The following PHACTR2 variants were observed in gnomAD, a reference collection of about 807,000 sequenced individuals.
PHACTR2 encodes phosphatase and actin regulator 2.
A neutral mutation model predicts 76.0 loss-of-function variants in PHACTR2; 30 were observed. The observed-to-expected ratio is 0.39, with a 90% CI of 0.30 to 0.54. The LOEUF (loss-of-function observed/expected upper bound fraction) is 0.54, where lower values mean the gene tolerates loss of function less well. Among genes scored for constraint, PHACTR2 ranks in the 20% least tolerant of loss-of-function variants. The pLI, the probability that PHACTR2 is intolerant of heterozygous loss-of-function variation, is 0.61. For missense variants in PHACTR2, 696 were observed against 781.1 expected, an observed-to-expected ratio of 0.89 and a Z score of 1.30; for synonymous variants, 292 against 292.5, an observed-to-expected ratio of 1.00 and a Z score of 0.02.
chr6:143,680,257 A>T lies in PHACTR2; in HGVS notation c.46+2048A>T, dbSNP rs1302046137. Among the ~76,000 whole-genome samples the T allele has an allele frequency of 1.3e-5, 2 of 151,834 alleles. No homozygotes were observed. Among genetic ancestry groups the T allele is most frequent in the Non-Finnish European group, 2.9e-5 (2 of 67,938 alleles). ...CTCTACTATTCCAGGTATTTTGTTCACTCCTTGTTAACTGTTTAACTCTGG... is the reference window on the plus strand; with the variant it reads ...CTCTACTATTCCAGGTATTTTGTTCTCTCCTTGTTAACTGTTTAACTCTGG... On this transcript the variant is annotated intron_variant, in intron 1 of 12. Coordinates refer to ENST00000440869, the MANE Select transcript of PHACTR2 (RefSeq NM_001100164.2). The surrounding 1 kb of genome is among the most constrained non-coding windows in gnomAD (Gnocchi z 4.5).
Position 143,561,009 on chromosome 6 carries a change from T to A in PHACTR2, c.217+23802T>A, listed in dbSNP as rs376079926. Reference sequence around the variant, plus strand: ...AACCAGCAAGGACTCTGGGGGGCTTTAAGTAATAAACTGGCCAGACTCCTG... The same window carrying A: ...AACCAGCAAGGACTCTGGGGGGCTTAAAGTAATAAACTGGCCAGACTCCTG... On this transcript the variant is annotated intron_variant, in intron 1 of 11. Transcript: ENST00000367584. This position sits in a 1 kb window ranked among gnomAD's most constrained non-coding sequence, Gnocchi z 4.1. 5.9e-5 allele frequency among the ~76,000 whole-genome samples: 9 copies of A among 151,728 alleles called. No individual in the cohort carries two copies. In the East Asian group the frequency reaches 1.2e-3, roughly 20 times the overall value.
intron 12 of PHACTR2, among the ~76,000 whole-genome samples, chr6:143,813,804 G>A (rs1776236964): frequency 6.6e-6 from 1 of 152,046 alleles, no homozygotes; most frequent in East Asian, 1.9e-4. Flanking sequence ...ATGTTGAGAA[G>A]TTTTCTCATG....
rs1006812589 is a variant in PHACTR2, at chr6:143,761,277, G to A, written c.694+637G>A. 3.3e-5 allele frequency among the ~76,000 whole-genome samples: 5 copies of A among 152,114 alleles called. No individual in the cohort carries two copies. The highest frequency in any genetic ancestry group is 7.4e-5 in the Non-Finnish European group (5 of 68,022). On this transcript the variant is annotated intron_variant, in intron 5 of 12. Coordinates refer to ENST00000440869, the MANE Select transcript of PHACTR2 (RefSeq NM_001100164.2). The surrounding 1 kb of genome is among the most constrained non-coding windows in gnomAD (Gnocchi z 5.2). ...TGTGTGTTCTAAGGCAAAACATCCT[G>A]GTGTCATGTGGTTATAAGTTACTAT...
At chr6:143,674,567 G>C (rs547502342), upstream of PHACTR2, among the ~76,000 whole-genome samples, 150 of 152,120 alleles carry the variant, frequency 9.9e-4, 1 homozygote, top group South Asian at 0.02. This position sits in a 1 kb window ranked among gnomAD's most constrained non-coding sequence, Gnocchi z 4.9. Context: ...TTGCCTCCCA[G>C]GTCACTGCTG....
At chr6:143,555,648 G>T (rs756783004) in intron 1 of PHACTR2, among the ~76,000 whole-genome samples, 5 of 151,674 alleles carry the variant, frequency 3.3e-5, no homozygotes, top group Non-Finnish European at 7.4e-5. Context: ...TAAATGTCTG[G>T]CCATAGGCAA....
rs17072766 is a variant in PHACTR2 at position 143,550,553 on chromosome 6, G to A, written c.217+13346G>A. ...TGATGAAGTATCTAAACTAATCCAC[G>A]CTTTGAAGGATCTAGAGAGAGAGCA... is the stretch of plus-strand genomic sequence containing the variant. On this transcript the variant is annotated intron_variant, in intron 1 of 11. Transcript: ENST00000367584. This position sits in a 1 kb window ranked among gnomAD's most constrained non-coding sequence, Gnocchi z 4.8. Among the ~76,000 whole-genome samples the A allele has an allele frequency of 0.069, 10,426 of 151,928 alleles. 469 individuals are homozygous for A. The highest frequency in any genetic ancestry group is 0.17 in the East Asian group (876 of 5,172).
rs1776556403 is a variant in PHACTR2 at position 143,827,171 on chromosome 6, T to TAA, written c.*3483_*3484insAA. 9.9e-6 allele frequency: 1 copy of TAA among 100,924 alleles called. No homozygotes were observed. Among genetic ancestry groups the TAA allele is most frequent in the African/African-American group, 3.8e-5 (1 of 26,408 alleles). 6.3% of individuals were successfully genotyped at this position (100,924 alleles called of 1,614,324 possible). ...AAAAAAGAAAATATATATATATATATATATATATATATATATATATATATA... is the reference window on the plus strand; with the variant it reads ...AAAAAAGAAAATATATATATATATATAAATATATATATATATATATATATATA... On this transcript the variant is annotated 3_prime_UTR_variant, in exon 13 of 13. Transcript: ENST00000440869.
intron 1 of PHACTR2, among the ~76,000 whole-genome samples, chr6:143,594,400 G>A (rs539029759): frequency 1.5e-4 from 23 of 152,220 alleles, no homozygotes; most frequent in Non-Finnish European, 2.2e-4. Context: ...CTACTGCTCT[G>A]CCCAATGCCT....
At chr6:143,744,962 T>C (rs2128468844) in intron 2 of PHACTR2, among the ~76,000 whole-genome samples, 1 of 152,330 alleles carries the variant, frequency 6.6e-6, no homozygotes, top group Admixed American at 6.5e-5. Context: ...AAAAAAGCTC[T>C]TATGCTTTTC....
chr6:143,772,424 G>C lies in PHACTR2; in HGVS notation c.1399G>C (p.Asp467His), dbSNP rs752066399. Residue 467 changes from aspartate (D) to histidine (H), a missense_variant, in exon 7 of 13, where the codon GAC becomes CAC. Transcript: ENST00000440869. This position sits in a 1 kb window ranked among gnomAD's most constrained non-coding sequence, Gnocchi z 5.4. Reference protein sequence around the residue: ...DGPILYTDDEDEDEDEDGSGE... With the variant: ...DGPILYTDDEHEDEDEDGSGE... ...GCCTATCTTGTACACCGATGATGAG[G>C]ACGAAGACGAAGATGAGGATGGCAG... The C allele has an allele frequency of 6.2e-7, 1 of 1,614,096 alleles. No individual in the cohort carries two copies. The highest frequency in any genetic ancestry group is 2.2e-5 in the East Asian group (1 of 44,884).
Position 143,593,315 on chromosome 6 carries a change from A to T in PHACTR2, c.217+56108A>T, listed in dbSNP as rs547926785. On this transcript the variant is annotated intron_variant, in intron 1 of 11. Transcript: ENST00000367584. ...AGTGTTAGGGTGATGGAAGGTCAGG[A>T]TCTCAAGGAGGAAACACAGGGGGTG... Among the ~76,000 whole-genome samples, 1,023 of 129,218 alleles carry T rather than the reference A, an allele frequency of 7.9e-3. 14 individuals carry two copies. The highest frequency in any genetic ancestry group is 0.026 in the African/African-American group (870 of 34,034). 84.8% of individuals were successfully genotyped at this position (129,218 alleles called of 152,430 possible).
intron 1 of PHACTR2, among the ~76,000 whole-genome samples, chr6:143,685,285 A>G (rs942340779): frequency 6.6e-6 from 1 of 152,038 alleles, no homozygotes; most frequent in Admixed American, 6.5e-5. Context: ...AAAAATTAAC[A>G]TCAGAAAGTT....
Position 143,664,446 on chromosome 6 carries a change from A to G in PHACTR2, c.14-47570A>G, listed in dbSNP as rs1339845744. On this transcript the variant is annotated intron_variant, in intron 1 of 11. Coordinates refer to the PHACTR2 transcript ENST00000305766. The surrounding 1 kb of genome is among the most constrained non-coding windows in gnomAD (Gnocchi z 5.1). ...TTACATTGCCATCTTAATTTGTGTC[A>G]TCTTTTTAAGCATGCTCTTCTTCAA... 6.6e-6 allele frequency among the ~76,000 whole-genome samples: 1 copy of G among 152,106 alleles called. No homozygotes were observed. Among genetic ancestry groups the G allele is most frequent in the Non-Finnish European group, 1.5e-5 (1 of 67,994 alleles).
chr6:143,588,586 G>T (rs781455868), intron 1 of PHACTR2, among the ~76,000 whole-genome samples: 2 of 152,110 alleles, frequency 1.3e-5, no homozygotes, highest in African/African-American at 2.4e-5. Flanking sequence ...TCTACCCAAA[G>T]AAAGCAGGAA....
rs1776396330 is a variant in PHACTR2, at chr6:143,633,269, T to G, written c.13+24947T>G. Reference sequence around the variant, plus strand: ...TGTTGCTCCACGTCTCTACCAGGATTTGGTGTTGTCAATGTTCTGGATTTT... The same window carrying G: ...TGTTGCTCCACGTCTCTACCAGGATGTGGTGTTGTCAATGTTCTGGATTTT... On this transcript the variant is annotated intron_variant, in intron 1 of 11. Transcript: ENST00000305766. This position sits in a 1 kb window ranked among gnomAD's most constrained non-coding sequence, Gnocchi z 4.1. Among the ~76,000 whole-genome samples, 1 of 152,242 alleles carries G rather than the reference T, an allele frequency of 6.6e-6. No individual in the cohort carries two copies. Among genetic ancestry groups the G allele is most frequent in the Admixed American group, 6.5e-5 (1 of 15,284 alleles).
At chr6:143,770,123 A>AAAC (rs1775064484) in intron 6 of PHACTR2, among the ~76,000 whole-genome samples, 1 of 152,074 alleles carries the variant, frequency 6.6e-6, no homozygotes, top group African/African-American at 2.4e-5. Context: ...GTGAATGGAT[A>AAAC]AACAAAATGT....
rs1171531719 is a variant in PHACTR2, at chr6:143,592,931, C to T, written c.217+55724C>T. Among the ~76,000 whole-genome samples, 1 of 150,882 alleles carries T rather than the reference C, an allele frequency of 6.6e-6. No individual in the cohort carries two copies. Among genetic ancestry groups the T allele is most frequent in the Non-Finnish European group, 1.5e-5 (1 of 67,876 alleles). ...GACATGGTGACACACATCCCAGCTA[C>T]TTGTGAGGGTGAGGTGGGAGGATCG... On this transcript the variant is annotated intron_variant, in intron 1 of 11. Coordinates refer to the PHACTR2 transcript ENST00000367584. This position sits in a 1 kb window ranked among gnomAD's most constrained non-coding sequence, Gnocchi z 4.0.
At chr6:143,666,043 A>C (rs1275203244) in intron 1 of PHACTR2, among the ~76,000 whole-genome samples, 1 of 151,290 alleles carries the variant, frequency 6.6e-6, no homozygotes, top group Non-Finnish European at 1.5e-5. Flanking sequence ...CCACCCCCCA[A>C]CAGGCCCCAG....
intron 1 of PHACTR2, among the ~76,000 whole-genome samples, chr6:143,538,543 G>A (rs544702596): frequency 6.6e-6 from 1 of 152,196 alleles, no homozygotes; most frequent in African/African-American, 2.4e-5. Context: ...AAGCCCTGCC[G>A]GGGCGTGAAC....
Sources: allele counts gnomAD v4.1 joint callset (sites outside exome capture counted in the v4.1 genomes callset), GRCh38; gene constraint gnomAD v4.1.1; non-coding constraint Gnocchi (gnomAD v3.1); transcripts MANE v1.5; gene names NCBI Gene and HGNC (gene_info 2026-07-23, HGNC 2026-07-21).